RAB33A: variants seen among roughly 807,000 people sequenced by gnomAD.
The protein encoded by RAB33A is RAB33A, member RAS oncogene family, also known as ras-related protein Rab-33A.
RAB33A carries 6 observed loss-of-function variants against 12.0 expected under a neutral mutation model. The ratio of observed to expected loss-of-function variants is 0.50; its 90% CI spans 0.27 to 0.99. The LOEUF (loss-of-function observed/expected upper bound fraction) is 0.99. Ranked by LOEUF, RAB33A falls within the 50% of genes least tolerant of loss-of-function variation. The pLI, the probability that RAB33A is intolerant of heterozygous loss-of-function variation, is 0.11. For missense variants in RAB33A, 109 were observed against 192.0 expected, an observed-to-expected ratio of 0.57 and a Z score of 2.55; for synonymous variants, 70 against 82.4, an observed-to-expected ratio of 0.85 and a Z score of 0.81.
chrX:130,172,092 C>A lies in RAB33A; in HGVS notation c.30C>A (p.Ser10Arg). The change falls in exon 1 of 2, where the codon AGC becomes AGA. Residue 10 changes from serine (S) to arginine (R), a missense_variant. Coordinates refer to ENST00000257017, the MANE Select transcript of RAB33A (RefSeq NM_004794.3). MAQPILGHG[S>R]LQPASAAGLA... Reference sequence around the variant, plus strand: ...CGCAGCCCATCCTGGGCCATGGGAGCCTGCAGCCCGCCTCGGCCGCTGGCC... The same window carrying A: ...CGCAGCCCATCCTGGGCCATGGGAGACTGCAGCCCGCCTCGGCCGCTGGCC... 8.3e-7 allele frequency: 1 copy of A among 1,210,809 alleles called. No homozygotes were observed. Among genetic ancestry groups the A allele is most frequent in the Non-Finnish European group, 1.1e-6 (1 of 894,957 alleles).
intron 1 of RAB33A, among the ~76,000 whole-genome samples, chrX:130,179,680 T>C (rs1271327450): frequency 9.7e-6 from 1 of 102,724 alleles, no homozygotes; most frequent in African/African-American, 3.6e-5. Context: ...ACTTATGTTT[T>C]TTCTGTGTGA....
chrX:130,152,965 T>A, the RAB33A span, among the ~76,000 whole-genome samples: 1 of 111,298 alleles, frequency 9.0e-6, no homozygotes, highest in African/African-American at 3.3e-5. Flanking sequence ...TTTCTTTTTA[T>A]GTATTTGTAG....
At chrX:130,164,911 G>T in the RAB33A span, among the ~76,000 whole-genome samples, 1 of 110,837 alleles carries the variant, frequency 9.0e-6, no homozygotes, top group African/African-American at 3.3e-5. Context: ...AAAATTTGAT[G>T]AAACAACTTA....
At chrX:130,111,279 C>G in the RAB33A span, among the ~76,000 whole-genome samples, 1 of 112,150 alleles carries the variant, frequency 8.9e-6, no homozygotes, top group African/African-American at 3.2e-5. Flanking sequence ...GCGCCCTTCC[C>G]GGTGCGAAGC....
At chrX:130,113,445 C>T in the RAB33A span, among the ~76,000 whole-genome samples, 4 of 100,338 alleles carry the variant, frequency 4.0e-5, no homozygotes, top group African/African-American at 7.5e-5. Flanking sequence ...TTTTTTGAGA[C>T]GGAATTTCAC....
At chrX:130,140,524 A>T in the RAB33A span, 1 of 1,201,245 alleles carries the variant, frequency 8.3e-7, no homozygotes, top group Non-Finnish European at 1.1e-6. Context: ...CATCTCCAGA[A>T]ATGCTCACCT....
chrX:130,154,659 A>G, the RAB33A span, among the ~76,000 whole-genome samples: 2 of 112,253 alleles, frequency 1.8e-5, no homozygotes, highest in Admixed American at 9.5e-5. Flanking sequence ...TGCAGTTTCT[A>G]TGGCTTTTTG....
chrX:130,113,057 TTTCTTTTTTTTTTTTCC>T, the RAB33A span, among the ~76,000 whole-genome samples: 1 of 99,683 alleles, frequency 1.0e-5, no homozygotes, highest in Non-Finnish European at 2.0e-5. Flanking sequence ...GTGTTTTCTT[TTTCTTTTTTTTTTTTCC>T]TTCTTTTTTT....
the RAB33A span, chrX:130,155,274 T>C: frequency 2.5e-6 from 3 of 1,210,420 alleles, no homozygotes; most frequent in East Asian, 8.9e-5. Flanking sequence ...TCCTAGGTGA[T>C]GAGACTGCAC....
At chrX:130,120,900 G>A in the RAB33A span, among the ~76,000 whole-genome samples, 1 of 113,314 alleles carries the variant, frequency 8.8e-6, no homozygotes, top group Non-Finnish European at 1.9e-5. Context: ...CGGCGGCGGC[G>A]GCGGGAACTG....
At chrX:130,134,173 G>T in the RAB33A span, among the ~76,000 whole-genome samples, 3 of 109,258 alleles carry the variant, frequency 2.7e-5, no homozygotes, top group Non-Finnish European at 3.8e-5. Flanking sequence ...GGAGGCGGAG[G>T]TTGCAGTGAG....
the RAB33A span, chrX:130,139,994 G>C: frequency 1.7e-6 from 1 of 604,008 alleles, no homozygotes; most frequent in African/African-American, 2.2e-5. Context: ...CAACAGGATA[G>C]GATACCAAGG....
chrX:130,139,207 C>T, the RAB33A span, among the ~76,000 whole-genome samples: 10 of 110,755 alleles, frequency 9.0e-5, no homozygotes, highest in South Asian at 1.2e-3. Flanking sequence ...TGGCACATGC[C>T]TGTAATTCTA....
chrX:130,149,868 T>A, the RAB33A span, among the ~76,000 whole-genome samples: 49 of 112,043 alleles, frequency 4.4e-4, no homozygotes, highest in East Asian at 0.013. Flanking sequence ...AAAGAAAAAA[T>A]CATTTTATAC....
chrX:130,153,676 G>A, the RAB33A span, among the ~76,000 whole-genome samples: 1 of 110,474 alleles, frequency 9.1e-6, no homozygotes, highest in Admixed American at 9.7e-5. Flanking sequence ...ACAGGAAGGG[G>A]AAGACACCGG....
At chrX:130,121,314 G>C in the RAB33A span, among the ~76,000 whole-genome samples, 29 of 94,506 alleles carry the variant, frequency 3.1e-4, no homozygotes, top group East Asian at 8.7e-3. Flanking sequence ...GCGCGATCTT[G>C]GCTCACTGTA....
the RAB33A span, among the ~76,000 whole-genome samples, chrX:130,117,755 C>T: frequency 2.7e-5 from 3 of 112,460 alleles, no homozygotes; most frequent in Admixed American, 9.4e-5. Context: ...CTATCAGAGG[C>T]ATTGCAGCAT....
chrX:130,141,707 A>G, the RAB33A span, among the ~76,000 whole-genome samples: 1 of 110,891 alleles, frequency 9.0e-6, no homozygotes, highest in Non-Finnish European at 1.9e-5. Context: ...GTTTTGAGCC[A>G]CCTCCTGGCT....
intron 1 of RAB33A, among the ~76,000 whole-genome samples, chrX:130,179,016 C>T (rs1489168474): frequency 9.3e-6 from 1 of 107,292 alleles, no homozygotes; most frequent in Non-Finnish European, 1.9e-5. Flanking sequence ...TGTGATCTTC[C>T]TTTCTGATGG....
Sources: allele counts gnomAD v4.1 joint callset (sites outside exome capture counted in the v4.1 genomes callset), GRCh38; gene constraint gnomAD v4.1.1; transcripts MANE v1.5; gene names NCBI Gene and HGNC (gene_info 2026-07-23, HGNC 2026-07-21).